METTL15: variants seen among roughly 807,000 people sequenced by gnomAD.
METTL15 encodes methyltransferase 15, mitochondrial 12S rRNA N4-cytidine.
Under a neutral mutation model 38.3 loss-of-function variants are expected in METTL15, and 34 were observed. The ratio of observed to expected loss-of-function variants is 0.89; its 90% CI spans 0.68 to 1.18. METTL15 has a LOEUF of 1.18. Ranked by LOEUF, METTL15 falls within the 50% of genes most tolerant of loss-of-function variation. The probability of loss-of-function intolerance (pLI) is 0.00; values close to 1 mark genes in which losing one functional copy is unlikely to be tolerated. For synonymous variants in METTL15, 162 were observed against 170.9 expected (o/e 0.95, Z 0.41); for missense variants, 438 against 498.4 (o/e 0.88, Z 1.15).
intron 6 of METTL15, among the ~76,000 whole-genome samples, chr11:28,453,016 C>A (rs75733745): frequency 0.038 from 5,769 of 152,280 alleles, 364 homozygotes; most frequent in African/African-American, 0.13. Context: ...AGCCATTTTC[C>A]ATCTGGCCAA....
intron 3 of METTL15, among the ~76,000 whole-genome samples, chr11:28,140,654 G>A (rs542607514): frequency 6.6e-6 from 1 of 152,194 alleles, no homozygotes; most frequent in Non-Finnish European, 1.5e-5. Context: ...GGACATCAAA[G>A]AGTGAGTGGA....
chr11:28,480,043 A>G (rs918404833), intron 6 of METTL15, among the ~76,000 whole-genome samples: 5 of 152,226 alleles, frequency 3.3e-5, no homozygotes, highest in African/African-American at 1.2e-4. Context: ...AAATGAAAAC[A>G]TGCTAGAATT....
chr11:28,312,947 C>T (rs191155192), intron 6 of METTL15, among the ~76,000 whole-genome samples: 2 of 152,106 alleles, frequency 1.3e-5, no homozygotes, highest in East Asian at 1.9e-4. Flanking sequence ...CTTTGGGGAA[C>T]ACATTCCCAC....
At chr11:28,247,043 T>C (rs1224791650) in intron 4 of METTL15, among the ~76,000 whole-genome samples, 3 of 152,144 alleles carry the variant, frequency 2.0e-5, no homozygotes, top group Non-Finnish European at 4.4e-5. Context: ...ACTGTATTAG[T>C]ATGATGTGTA....
intron 4 of METTL15, among the ~76,000 whole-genome samples, chr11:28,255,793 T>C (rs1411156670): frequency 6.6e-6 from 1 of 152,204 alleles, no homozygotes; most frequent in Non-Finnish European, 1.5e-5. Flanking sequence ...AACCTCCACC[T>C]CCCAGGTTCA....
At chr11:28,329,700 C>T (rs749209171) in intron 6 of METTL15, among the ~76,000 whole-genome samples, 11 of 152,148 alleles carry the variant, frequency 7.2e-5, no homozygotes, top group Non-Finnish European at 4.4e-5. Context: ...CAAATGATCA[C>T]ATGGCCTCAT....
intron 4 of METTL15, among the ~76,000 whole-genome samples, chr11:28,353,258 G>T (rs1288039727): frequency 2.0e-5 from 3 of 152,148 alleles, no homozygotes; most frequent in Non-Finnish European, 4.4e-5. Context: ...CTAAGTTTTT[G>T]ATCATAAATG....
chr11:28,327,128 G>C (rs1438535692), intron 6 of METTL15, among the ~76,000 whole-genome samples: 2 of 152,104 alleles, frequency 1.3e-5, no homozygotes, highest in Non-Finnish European at 2.9e-5. Flanking sequence ...TACCAAAAAA[G>C]CTCCACAAAA....
chr11:28,317,971 A>G (rs900150589), intron 6 of METTL15, among the ~76,000 whole-genome samples: 3 of 152,210 alleles, frequency 2.0e-5, no homozygotes, highest in African/African-American at 7.2e-5. Flanking sequence ...GGGTGATATC[A>G]TTAGAAGTGG....
chr11:28,408,445 T>C (rs1260662434), intron 5 of METTL15, among the ~76,000 whole-genome samples: 1 of 152,208 alleles, frequency 6.6e-6, no homozygotes, highest in Non-Finnish European at 1.5e-5. Flanking sequence ...TCAGGTTAAC[T>C]CTATTCACAA....
chr11:28,215,648 G>C (rs1398419021), intron 4 of METTL15, among the ~76,000 whole-genome samples: 1 of 152,054 alleles, frequency 6.6e-6, no homozygotes, highest in African/African-American at 2.4e-5. Flanking sequence ...ACACTTCCAA[G>C]TTAAAGAAAA....
intron 5 of METTL15, among the ~76,000 whole-genome samples, chr11:28,422,162 A>C (rs1841775261): frequency 6.6e-6 from 1 of 152,062 alleles, no homozygotes; most frequent in African/African-American, 2.4e-5. Flanking sequence ...AATGAAAACT[A>C]TAAAACATTG....
chr11:28,301,156 T>C (rs377698621), intron 6 of METTL15, among the ~76,000 whole-genome samples: 4 of 152,246 alleles, frequency 2.6e-5, no homozygotes, highest in Admixed American at 6.5e-5. Flanking sequence ...TTCCACATAA[T>C]AGTCTTTGTT....
At chr11:28,475,915 G>C (rs988820308) in intron 6 of METTL15, among the ~76,000 whole-genome samples, 3 of 152,166 alleles carry the variant, frequency 2.0e-5, no homozygotes, top group Admixed American at 1.3e-4. Context: ...TCAGACCAGT[G>C]ACTGTCCTCT....
chr11:28,196,340 A>T (rs779292826), intron 3 of METTL15, among the ~76,000 whole-genome samples: 6 of 151,966 alleles, frequency 3.9e-5, no homozygotes, highest in South Asian at 2.1e-4. Flanking sequence ...TGAACGTAGG[A>T]TGTATTTCCA....
At chr11:28,254,081 A>G (rs900652249) in intron 4 of METTL15, among the ~76,000 whole-genome samples, 3 of 152,132 alleles carry the variant, frequency 2.0e-5, no homozygotes, top group African/African-American at 7.2e-5. Flanking sequence ...GGGTTGTGCT[A>G]CTTTACATTC....
chr11:28,521,522 C>T (rs901961708), intron 6 of METTL15, among the ~76,000 whole-genome samples: 1 of 152,156 alleles, frequency 6.6e-6, no homozygotes. Context: ...CCTTCTGGGG[C>T]AGTGCCAGAG....
Position 28,238,560 on chromosome 11 carries a change from G to A in METTL15, c.407+27362G>A, listed in dbSNP as rs1197466942. Among the ~76,000 whole-genome samples, 3 of 152,194 alleles carry A rather than the reference G, an allele frequency of 2.0e-5. No individual in the cohort carries two copies. In the East Asian group the frequency reaches 5.8e-4, roughly 29 times the overall value. ...AACTCCCTGACCCCTTGCACTTCCC[G>A]AGTGAGGCAGTGCCTCGCCCTGCTT... On this transcript the variant is annotated intron_variant, in intron 4 of 6. Transcript: ENST00000407364.
At chr11:28,381,499 G>A (rs763424593) in intron 5 of METTL15, among the ~76,000 whole-genome samples, 2 of 151,994 alleles carry the variant, frequency 1.3e-5, no homozygotes, top group East Asian at 1.9e-4. Context: ...CTTAGCATTG[G>A]TCTTTCAAGG....
Sources: gnomAD v4.1 joint callset for allele counts (sites outside exome capture counted in the v4.1 genomes callset) on GRCh38, gnomAD v4.1.1 for gene constraint, MANE v1.5 for transcripts, NCBI Gene and HGNC (gene_info 2026-07-23, HGNC 2026-07-21) for gene names.